Variants in CHD1L observed in about 807,000 individuals in gnomAD.
The protein encoded by CHD1L is ATP-dependent chromatin remodeler CHD1L.
A neutral mutation model predicts 115.9 loss-of-function variants in CHD1L; 118 were observed. The observed-to-expected ratio is 1.02, with a 90% CI of 0.88 to 1.19. The LOEUF is 1.19. CHD1L is among the 50% of genes most tolerant of loss of function. The pLI is 0.00. For missense variants in CHD1L, 1,179 were observed against 1,065.3 expected (o/e 1.11, Z -1.49); for synonymous variants, 411 against 387.1 (o/e 1.06, Z -0.72).
chr1:147,272,301 A>T lies in CHD1L; in HGVS notation c.1270+20A>T, dbSNP rs1553954014. The T allele has an allele frequency of 6.6e-7, 1 of 1,510,300 alleles. No individual in the cohort carries two copies. Among genetic ancestry groups the T allele is most frequent in the Admixed American group, 1.7e-5 (1 of 59,842 alleles). The allele number at this position is 1,510,300 out of a possible 1,614,324, so 93.6% of individuals were successfully genotyped here. On this transcript the variant is annotated intron_variant, in intron 12 of 22. Coordinates refer to ENST00000369258, the MANE Select transcript of CHD1L (RefSeq NM_004284.6). ...GGGCAGGTAGGCTGCAAAGGCATTG[A>T]TGGAAACAGACAAATGAGGGATAAT...
At chr1:147,178,903 T>G in the CHD1L span, 16 of 1,574,198 alleles carry the variant, frequency 1.0e-5, no homozygotes, top group African/African-American at 2.2e-4. Flanking sequence ...ACTTATTGCT[T>G]ACTATGATGT....
the CHD1L span, among the ~76,000 whole-genome samples, chr1:147,216,414 T>G: frequency 6.6e-6 from 1 of 152,032 alleles, no homozygotes; most frequent in Non-Finnish European, 1.5e-5. Context: ...TAACACTGAG[T>G]AATAGTCTTT....
At chr1:147,188,661 G>T in the CHD1L span, among the ~76,000 whole-genome samples, 2 of 151,110 alleles carry the variant, frequency 1.3e-5, no homozygotes, top group African/African-American at 2.4e-5. Context: ...TTTAATAAAG[G>T]TTACATGTAT....
At chr1:147,287,542 C>T (rs12033133) in intron 18 of CHD1L, 93 bp from the exon 19 acceptor site, 1 of 816,844 alleles carries the variant, frequency 1.2e-6, no homozygotes, top group Non-Finnish European at 1.9e-6. Flanking sequence ...AAAAATCATT[C>T]TTCCACAAGT....
In CHD1L at chr1:147,270,932, G is replaced by A; in HGVS notation, c.1086G>A (p.Gly362=). The change falls in exon 11 of 23, where the codon GGG becomes GGA. Residue 362 remains glycine, a splice_region_variant and synonymous_variant. Coordinates refer to ENST00000369258, the MANE Select transcript of CHD1L (RefSeq NM_004284.6). ...LDKLLAFLYS[G]GHRVLLFSQM... ...TGTTTCCTTTTCTTTTTCTTGCCAG[G>A]GGCCATCGGGTTTTACTTTTCTCCC... The A allele has an allele frequency of 1.9e-6, 3 of 1,613,704 alleles. No homozygotes were observed. The highest frequency in any genetic ancestry group is 2.5e-6 in the Non-Finnish European group (3 of 1,179,818).
chr1:147,275,673 CA>C (rs1426850368), intron 13 of CHD1L, among the ~76,000 whole-genome samples: 2 of 150,552 alleles, frequency 1.3e-5, no homozygotes, highest in Admixed American at 6.6e-5. Flanking sequence ...GGAGTCAAAT[CA>C]AACTGTGAAA....
At chr1:147,191,173 ATTTAT>A in the CHD1L span, among the ~76,000 whole-genome samples, 2 of 152,126 alleles carry the variant, frequency 1.3e-5, no homozygotes, top group African/African-American at 4.8e-5. Flanking sequence ...TAGCAGCATG[ATTTAT>A]AATCCTTTGG....
rs782316726 is a variant in CHD1L at position 147,270,914 on chromosome 1, T to C, written c.1086-18T>C. The C allele has an allele frequency of 6.2e-7, 1 of 1,612,428 alleles. No individual in the cohort carries two copies. The highest frequency in any genetic ancestry group is 1.1e-5 in the South Asian group (1 of 91,040). On this transcript the variant is annotated intron_variant, in intron 10 of 22. Coordinates refer to ENST00000369258, the MANE Select transcript of CHD1L (RefSeq NM_004284.6). The stretch of plus-strand genomic sequence containing the variant: ...TACCACTAGACTTGGCAGTGTTTCC[T>C]TTTCTTTTTCTTGCCAGGGGCCATC...
At chr1:147,204,923 G>A in the CHD1L span, 1 of 1,563,896 alleles carries the variant, frequency 6.4e-7, no homozygotes, top group Admixed American at 1.7e-5. Context: ...TTGGGAACTT[G>A]AAGCGCCATG....
intron 7 of CHD1L, among the ~76,000 whole-genome samples, chr1:147,265,524 G>A (rs1673546627): frequency 6.6e-6 from 1 of 152,182 alleles, no homozygotes. Context: ...TTGAATGCTG[G>A]CCACATTCAC....
At chr1:147,195,679 A>T in the CHD1L span, among the ~76,000 whole-genome samples, 1 of 152,172 alleles carries the variant, frequency 6.6e-6, no homozygotes, top group Admixed American at 6.5e-5. Flanking sequence ...TTAAACAATT[A>T]GTTGTATGCC....
At chr1:147,192,839 G>C in the CHD1L span, among the ~76,000 whole-genome samples, 1 of 152,286 alleles carries the variant, frequency 6.6e-6, no homozygotes, top group African/African-American at 2.4e-5. Context: ...TGTTGAACCA[G>C]CCTTGCATCC....
At chr1:147,198,755 G>T in the CHD1L span, among the ~76,000 whole-genome samples, 1 of 150,232 alleles carries the variant, frequency 6.7e-6, no homozygotes, top group East Asian at 2.0e-4. Context: ...GGAGGCTGAG[G>T]CAGTAGAATG....
chr1:147,287,779 A>G (rs374497935), intron 19 of CHD1L, 46 bp downstream of exon 19: 104 of 1,504,698 alleles, frequency 6.9e-5, no homozygotes, highest in Middle Eastern at 3.4e-4. Flanking sequence ...AATAAGAGAG[A>G]AGAGGACACC....
chr1:147,191,526 G>A, the CHD1L span, among the ~76,000 whole-genome samples: 1 of 144,552 alleles, frequency 6.9e-6, no homozygotes, highest in African/African-American at 2.5e-5. Context: ...CTTTTTGATG[G>A]GGTTGTTTGT....
chr1:147,226,165 G>A, the CHD1L span, among the ~76,000 whole-genome samples: 1 of 151,168 alleles, frequency 6.6e-6, no homozygotes, highest in African/African-American at 2.4e-5. Context: ...AACGAGGCAA[G>A]GTGGTGGGAG....
chr1:147,195,476 G>A, the CHD1L span, among the ~76,000 whole-genome samples: 1 of 152,116 alleles, frequency 6.6e-6, no homozygotes, highest in Non-Finnish European at 1.5e-5. Flanking sequence ...TCCTGTGGAA[G>A]ATAAGCTTCA....
At chr1:147,198,850 CAAAAAAAAAAAAA>C in the CHD1L span, among the ~76,000 whole-genome samples, 5 of 51,780 alleles carry the variant, frequency 9.7e-5, no homozygotes, top group African/African-American at 3.5e-4. Flanking sequence ...GACTGCATCT[CAAAAAAAAAAAAA>C]AAAAAAAAAA....
chr1:147,224,554 G>A, the CHD1L span, among the ~76,000 whole-genome samples: 2 of 151,860 alleles, frequency 1.3e-5, no homozygotes, highest in African/African-American at 4.8e-5. Flanking sequence ...CTGTCACCCA[G>A]GCTGGAGTGC....
Sources: gnomAD v4.1 joint callset for allele counts (sites outside exome capture counted in the v4.1 genomes callset) on GRCh38, gnomAD v4.1.1 for gene constraint, MANE v1.5 for transcripts, NCBI Gene and HGNC (gene_info 2026-07-23, HGNC 2026-07-21) for gene names.